The following XIRP2 variants were observed in gnomAD, a reference collection of about 807,000 sequenced individuals.
XIRP2 encodes the protein xin actin-binding repeat-containing protein 2.
A neutral mutation model predicts 277.0 loss-of-function variants in XIRP2; 236 were observed. That is an observed-to-expected ratio of 0.85 (90% CI 0.77 to 0.95). The LOEUF (loss-of-function observed/expected upper bound fraction) is 0.95, where lower values mean the gene tolerates loss of function less well. Ranked by LOEUF, XIRP2 falls within the 40% of genes least tolerant of loss-of-function variation. XIRP2 has a pLI of 0.00. For synonymous variants in XIRP2, 1,490 were observed against 1,416.5 expected, an observed-to-expected ratio of 1.05 and a Z score of -1.17; for missense variants, 4,640 against 4,157.5, an observed-to-expected ratio of 1.12 and a Z score of -3.19.
chr2:167,106,026 T>C (rs1690608382), intron 2 of XIRP2, among the ~76,000 whole-genome samples: 1 of 72,834 alleles, frequency 1.4e-5, no homozygotes, highest in Non-Finnish European at 2.3e-5. Context: ...TGCTATTGAG[T>C]TTTGAGAGTT....
intron 2 of XIRP2, among the ~76,000 whole-genome samples, chr2:166,981,369 C>T (rs1457202201): frequency 6.6e-6 from 1 of 151,972 alleles, no homozygotes; most frequent in Non-Finnish European, 1.5e-5. Context: ...GGTGTATTTC[C>T]TCTGAGTGCC....
At chr2:167,005,573 A>G (rs1456475992) in intron 2 of XIRP2, among the ~76,000 whole-genome samples, 3 of 152,026 alleles carry the variant, frequency 2.0e-5, no homozygotes, top group African/African-American at 4.8e-5. Flanking sequence ...AGATTATTCA[A>G]CGTAAAATAG....
chr2:167,166,627 C>A (rs1439289386), intron 3 of XIRP2, among the ~76,000 whole-genome samples: 1 of 152,098 alleles, frequency 6.6e-6, no homozygotes, highest in Non-Finnish European at 1.5e-5. Flanking sequence ...AAAGAGGGAT[C>A]CGGCAAGTCA....
intron 3 of XIRP2, among the ~76,000 whole-genome samples, chr2:167,142,269 G>C (rs1161715462): frequency 2.0e-5 from 3 of 152,120 alleles, no homozygotes; most frequent in Non-Finnish European, 4.4e-5. Flanking sequence ...AAAGGTACAG[G>C]CCGGGCACAA....
At position 167,148,532 on chromosome 2, in the gene XIRP2, A is replaced by G. The variant is rs185065478; in HGVS notation, c.562+12470A>G. 5.1e-3 allele frequency among the ~76,000 whole-genome samples: 777 copies of G among 151,842 alleles called. 2 individuals are homozygous for G. The highest frequency in any genetic ancestry group is 8.3e-3 in the Non-Finnish European group (563 of 67,942). On this transcript the variant is annotated intron_variant, in intron 3 of 10. Transcript: ENST00000409195. ...GGGAGGGAGGGAAAGAGGTAAAGAAAGGCATAGAGTAATTAGAGTATCGAA... is the reference window on the plus strand; with the variant it reads ...GGGAGGGAGGGAAAGAGGTAAAGAAGGGCATAGAGTAATTAGAGTATCGAA...
intron 5 of XIRP2, among the ~76,000 whole-genome samples, chr2:167,237,921 G>C (rs1213604716): frequency 6.6e-6 from 1 of 152,174 alleles, no homozygotes; most frequent in Non-Finnish European, 1.5e-5. Flanking sequence ...TATATCTGCA[G>C]TTGTCAATGA....
chr2:167,119,250 A>G (rs192357271), intron 2 of XIRP2, among the ~76,000 whole-genome samples: 1 of 152,344 alleles, frequency 6.6e-6, no homozygotes, highest in Non-Finnish European at 1.5e-5. Flanking sequence ...TTTTCACATT[A>G]GATAAACATT....
chr2:167,162,075 T>G (rs112199973), intron 3 of XIRP2, among the ~76,000 whole-genome samples: 15,050 of 152,194 alleles, frequency 0.099, 798 homozygotes, highest in South Asian at 0.15. Flanking sequence ...CCCAACAAGT[T>G]TCTCATCTAC....
chr2:167,030,985 C>A (rs1269744332), intron 2 of XIRP2, among the ~76,000 whole-genome samples: 2 of 148,328 alleles, frequency 1.3e-5, no homozygotes, highest in Non-Finnish European at 3.0e-5. Flanking sequence ...GGTTTCAAGT[C>A]TGTTTTATCA....
At chr2:167,083,278 G>A (rs905315931) in intron 2 of XIRP2, among the ~76,000 whole-genome samples, 1 of 152,028 alleles carries the variant, frequency 6.6e-6, no homozygotes, top group African/African-American at 2.4e-5. Flanking sequence ...ATTTCTGAGG[G>A]CTCTGTTCTG....
intron 2 of XIRP2, among the ~76,000 whole-genome samples, chr2:167,062,894 C>T (rs1370708703): frequency 6.6e-6 from 1 of 151,616 alleles, no homozygotes; most frequent in African/African-American, 2.4e-5. Context: ...AAAAAACCAA[C>T]TTTTGGGTTG....
intron 10 of XIRP2, among the ~76,000 whole-genome samples, chr2:167,256,614 T>C (rs1695665047): frequency 6.6e-6 from 1 of 151,916 alleles, no homozygotes; most frequent in Admixed American, 6.6e-5. Context: ...TCTACAGGGA[T>C]ATTATAATGC....
At position 167,246,396 on chromosome 2, in the gene XIRP2, T is replaced by A. The variant is rs781672404; in HGVS notation, c.5004T>A (p.Ser1668=). ...AACAAGCAATAAAAAACCTGTTCTC[T>A]GAGGAAAGATCTGTAAAGAAAGGCA... is the stretch of plus-strand genomic sequence containing the variant. ...DVQQAIKNLF[S]EERSVKKGIL... is the part of the protein sequence containing the mutation. Residue 1668 remains serine, a synonymous_variant, in exon 9 of 11, where the codon TCT becomes TCA. Coordinates refer to ENST00000409195, the MANE Select transcript of XIRP2 (RefSeq NM_152381.6). 17 of 1,613,446 alleles carry A rather than the reference T, an allele frequency of 1.1e-5. 1 individual carries two copies. In the South Asian group the frequency reaches 1.9e-4, roughly 18 times the overall value.
At chr2:167,180,745 C>G (rs1470275233) in intron 3 of XIRP2, among the ~76,000 whole-genome samples, 2 of 152,158 alleles carry the variant, frequency 1.3e-5, no homozygotes, top group African/African-American at 4.8e-5. Context: ...TGAGCAGTGC[C>G]TCTTTATTCT....
At chr2:167,083,452 T>C (rs1030316424) in intron 2 of XIRP2, among the ~76,000 whole-genome samples, 3 of 152,234 alleles carry the variant, frequency 2.0e-5, no homozygotes, top group African/African-American at 7.2e-5. Flanking sequence ...CATATGAACA[T>C]TATAGTAGTT....
intron 2 of XIRP2, among the ~76,000 whole-genome samples, chr2:166,935,101 G>A (rs992425047): frequency 6.6e-6 from 1 of 152,102 alleles, no homozygotes; most frequent in South Asian, 2.1e-4. Flanking sequence ...TTTCAGAGGA[G>A]TTCTATTATA....
chr2:167,042,355 T>A (rs1688679182), intron 2 of XIRP2, among the ~76,000 whole-genome samples: 1 of 152,064 alleles, frequency 6.6e-6, no homozygotes, highest in South Asian at 2.1e-4. Flanking sequence ...TCCTTGAACA[T>A]AAATGGATTA....
In XIRP2 at chr2:167,244,481, A is replaced by G. The variant is rs781192932; in HGVS notation, c.3089A>G (p.Asp1030Gly). The change falls in exon 9 of 11, where the codon GAT becomes GGT. Residue 1030 changes from aspartate (D) to glycine (G), a missense_variant. Asp to Gly is a moderately conservative substitution (Grantham distance 94). Transcript: ENST00000409195. Reference sequence around the variant, plus strand: ...GAAACAAGGCCCATTGACCAGTTTGATGAAAGCATTCATAAATTTCAAATA... The same window carrying G: ...GAAACAAGGCCCATTGACCAGTTTGGTGAAAGCATTCATAAATTTCAAATA... ...LFETRPIDQF[D>G]ESIHKFQIIR... 5 of 1,613,762 alleles carry G rather than the reference A, an allele frequency of 3.1e-6. No homozygotes were observed. In the East Asian group the frequency reaches 8.9e-5, roughly 29 times the overall value.
At chr2:167,162,861 T>C (rs1400501010) in intron 3 of XIRP2, among the ~76,000 whole-genome samples, 1 of 152,170 alleles carries the variant, frequency 6.6e-6, no homozygotes, top group Non-Finnish European at 1.5e-5. Context: ...CACAATCTGA[T>C]TGTAACCATA....
Sources: gnomAD v4.1 joint callset for allele counts (sites outside exome capture counted in the v4.1 genomes callset) on GRCh38, gnomAD v4.1.1 for gene constraint, MANE v1.5 for transcripts, NCBI Gene and HGNC (gene_info 2026-07-23, HGNC 2026-07-21) for gene names.